The following SLC41A2 variants were observed in gnomAD, a reference collection of about 807,000 sequenced individuals.
The protein encoded by SLC41A2 is SLC41A1-like 1.
In SLC41A2, 32 loss-of-function variants were observed where a neutral mutation model predicts 58.3. The observed-to-expected ratio is 0.55, with a 90% CI of 0.41 to 0.74. The LOEUF (loss-of-function observed/expected upper bound fraction) is 0.74. Ranked by LOEUF, SLC41A2 falls within the 30% of genes least tolerant of loss-of-function variation. SLC41A2 has a pLI of 0.00. For missense variants in SLC41A2, 514 were observed against 680.6 expected (o/e 0.76, Z 2.72); for synonymous variants, 190 against 235.0 (o/e 0.81, Z 1.75).
intron 7 of SLC41A2, among the ~76,000 whole-genome samples, chr12:104,864,076 C>G (rs968577850): frequency 1.3e-5 from 2 of 152,032 alleles, no homozygotes; most frequent in East Asian, 3.9e-4. Flanking sequence ...TCCAATACCC[C>G]CTTGGATCCT....
At chr12:104,810,431 T>C (rs1054991365) in intron 10 of SLC41A2, among the ~76,000 whole-genome samples, 8 of 152,158 alleles carry the variant, frequency 5.3e-5, no homozygotes, top group African/African-American at 1.9e-4. Flanking sequence ...TGTTTACATA[T>C]TAACAATGTG....
intron 2 of SLC41A2, among the ~76,000 whole-genome samples, chr12:104,915,254 T>C (rs2046261581): frequency 6.6e-6 from 1 of 152,190 alleles, no homozygotes; most frequent in Non-Finnish European, 1.5e-5. Flanking sequence ...ATTTTTTAAT[T>C]GGTAAAAGAA....
Position 104,895,101 on chromosome 12 carries a change from G to A in SLC41A2, c.735+173C>T, listed in dbSNP as rs190488068. Among the ~76,000 whole-genome samples, 372 of 152,160 alleles carry A rather than the reference G, an allele frequency of 2.4e-3. 3 individuals carry two copies. Among genetic ancestry groups the A allele is most frequent in the African/African-American group, 8.5e-3 (354 of 41,508 alleles). On this transcript the variant is annotated intron_variant, in intron 4 of 10. Transcript: ENST00000258538. ...TTTCTAAACAACGAATAGTTTCAGA[G>A]CTCATAGGTATCCATTTATTCCATC... is the stretch of plus-strand genomic sequence containing the variant.
At chr12:104,840,132 A>G (rs1426505527) in intron 10 of SLC41A2, among the ~76,000 whole-genome samples, 2 of 152,216 alleles carry the variant, frequency 1.3e-5, no homozygotes, top group Non-Finnish European at 1.5e-5. Flanking sequence ...GATGACAGTA[A>G]GATTCCCTTC....
chr12:104,897,395 T>G (rs2045344440), intron 3 of SLC41A2, among the ~76,000 whole-genome samples: 1 of 152,094 alleles, frequency 6.6e-6, no homozygotes, highest in African/African-American at 2.4e-5. Context: ...TTTGCCTGTC[T>G]TGGCCTCCCA....
At chr12:104,923,202 AGCAC>A (rs2046680063) in intron 2 of SLC41A2, among the ~76,000 whole-genome samples, 1 of 141,472 alleles carries the variant, frequency 7.1e-6, no homozygotes, top group African/African-American at 2.6e-5. Context: ...CTCTACTAAA[AGCAC>A]AAAAAATTAG....
chr12:104,927,515 G>A (rs2046888650), intron 2 of SLC41A2, among the ~76,000 whole-genome samples: 1 of 152,146 alleles, frequency 6.6e-6, no homozygotes. Context: ...AAAAGAGGCT[G>A]CAAGTGTATA....
chr12:104,902,993 G>A (rs2045630962), intron 3 of SLC41A2, among the ~76,000 whole-genome samples: 1 of 152,168 alleles, frequency 6.6e-6, no homozygotes, highest in Admixed American at 6.5e-5. Flanking sequence ...GGCACTACAA[G>A]TTGCTACTTT....
chr12:104,934,682 A>G (rs1406588443), intron 1 of SLC41A2, among the ~76,000 whole-genome samples: 3 of 152,242 alleles, frequency 2.0e-5, no homozygotes, highest in South Asian at 2.1e-4. Flanking sequence ...TATAAACTAC[A>G]ATGGAATACT....
chr12:104,859,671 G>A (rs190622469), intron 8 of SLC41A2, among the ~76,000 whole-genome samples: 51 of 152,258 alleles, frequency 3.3e-4, no homozygotes, highest in Non-Finnish European at 1.5e-4. Context: ...AGAAATTTTA[G>A]ACATGAAATT....
At chr12:104,880,324 T>C (rs949709094) in intron 6 of SLC41A2, among the ~76,000 whole-genome samples, 3 of 152,202 alleles carry the variant, frequency 2.0e-5, no homozygotes, top group Non-Finnish European at 2.9e-5. Flanking sequence ...TCCTGCCTGA[T>C]TGCCCTGGCC....
chr12:104,880,686 C>T (rs1048973012), intron 6 of SLC41A2, among the ~76,000 whole-genome samples: 3 of 152,154 alleles, frequency 2.0e-5, no homozygotes, highest in East Asian at 1.9e-4. Flanking sequence ...ATGGTGGACA[C>T]GCTTTTTGAC....
rs558754274 is a variant in SLC41A2, at chr12:104,810,876, C to T, written c.1537-5539G>A. Among the ~76,000 whole-genome samples, 56 of 152,316 alleles carry T rather than the reference C, an allele frequency of 3.7e-4. 1 individual carries two copies. In the South Asian group the frequency reaches 0.012, roughly 32 times the overall value. On this transcript the variant is annotated intron_variant, in intron 10 of 10. Coordinates refer to ENST00000258538, the MANE Select transcript of SLC41A2 (RefSeq NM_001352171.3). ...TCAGGCTCAAATTCACAGAGTCCAA[C>T]ACTAAAGCCCATGCTCTCAACCATC...
intron 2 of SLC41A2, among the ~76,000 whole-genome samples, chr12:104,914,255 A>C (rs1388049058): frequency 6.6e-6 from 1 of 152,000 alleles, no homozygotes; most frequent in Non-Finnish European, 1.5e-5. Flanking sequence ...CTAACACTTT[A>C]GTAACCATTT....
At chr12:104,861,903 G>A (rs897013701) in intron 7 of SLC41A2, among the ~76,000 whole-genome samples, 3 of 152,136 alleles carry the variant, frequency 2.0e-5, no homozygotes, top group African/African-American at 4.8e-5. Context: ...TTAAAATAAT[G>A]AGTTATAGCC....
At chr12:104,820,628 T>C (rs2041592643) in intron 10 of SLC41A2, among the ~76,000 whole-genome samples, 1 of 152,196 alleles carries the variant, frequency 6.6e-6, no homozygotes, top group South Asian at 2.1e-4. Context: ...ATGCACATAG[T>C]TATTTAATGT....
At chr12:104,812,129 T>A (rs1443011578) in intron 10 of SLC41A2, among the ~76,000 whole-genome samples, 1 of 152,226 alleles carries the variant, frequency 6.6e-6, no homozygotes, top group Non-Finnish European at 1.5e-5. Context: ...GGCAGGAGGA[T>A]GACCTCCAGA....
intron 10 of SLC41A2, among the ~76,000 whole-genome samples, chr12:104,814,542 T>C (rs1411035255): frequency 1.3e-5 from 2 of 152,088 alleles, no homozygotes; most frequent in African/African-American, 2.4e-5. Flanking sequence ...ACATGACAAA[T>C]GAAACAAATG....
Position 104,855,664 on chromosome 12 carries a change from T to C in SLC41A2, c.1255+5627A>G, listed in dbSNP as rs1312571821. 2.0e-5 allele frequency among the ~76,000 whole-genome samples: 3 copies of C among 152,226 alleles called. No individual in the cohort carries two copies. In the East Asian group the frequency reaches 5.8e-4, roughly 29 times the overall value. On this transcript the variant is annotated intron_variant, in intron 8 of 10. Transcript: ENST00000258538. ...CTCAAATGACTTCCTGATCACTGAA[T>C]AAACAGTCCGTCTTGAATCCTTCTT... is the stretch of plus-strand genomic sequence containing the variant.
Sources: allele counts gnomAD v4.1 joint callset (sites outside exome capture counted in the v4.1 genomes callset), GRCh38; gene constraint gnomAD v4.1.1; transcripts MANE v1.5; gene names NCBI Gene and HGNC (gene_info 2026-07-23, HGNC 2026-07-21).